UHRF1: variants seen among roughly 807,000 people sequenced by gnomAD.
UHRF1 encodes the protein E3 ubiquitin-protein ligase UHRF1.
A neutral mutation model predicts 96.5 loss-of-function variants in UHRF1; 9 were observed. That is an observed-to-expected ratio of 0.09 (90% CI 0.06 to 0.16). UHRF1 has a LOEUF of 0.16. Ranked by LOEUF, UHRF1 falls within the 10% of genes least tolerant of loss-of-function variation. UHRF1 has a pLI of 1.00. For missense variants in UHRF1, 626 were observed against 1,131.1 expected (o/e 0.55, Z 6.40); for synonymous variants, 455 against 469.9 (o/e 0.97, Z 0.41).
chr19:4,950,547 G>A, intron 11 of UHRF1, 64 bp from the exon 12 acceptor site: 1 of 1,550,804 alleles, frequency 6.4e-7, no homozygotes, highest in Non-Finnish European at 8.7e-7. Context: ...CCCGGCTCCT[G>A]TGTTTCCTTT....
chr19:4,941,179 C>T (rs972209674), intron 5 of UHRF1, among the ~76,000 whole-genome samples: 1 of 149,266 alleles, frequency 6.7e-6, no homozygotes, highest in Non-Finnish European at 1.5e-5. Flanking sequence ...CAACCTCTGC[C>T]TCCCGGGTTC....
At chr19:4,931,773 A>AT (rs1296827740) in intron 4 of UHRF1, among the ~76,000 whole-genome samples, 2 of 146,042 alleles carry the variant, frequency 1.4e-5, no homozygotes, top group African/African-American at 2.6e-5. Flanking sequence ...AGCTTATTTT[A>AT]TTTTTTTGAG....
Position 4,954,500 on chromosome 19 carries a change from G to A in UHRF1, c.1957+12G>A, listed in dbSNP as rs377111850. The A allele has an allele frequency of 2.4e-5, 38 of 1,605,846 alleles. No homozygotes were observed. The East Asian group carries it at 6.0e-4, about 26-fold the overall frequency. Reference sequence around the variant, plus strand: ...GCGGAAGTCGGCAGGTGAGAATCTCGTGGGTGTGGGGTGAGCGTCTTGTGT... The same window carrying A: ...GCGGAAGTCGGCAGGTGAGAATCTCATGGGTGTGGGGTGAGCGTCTTGTGT... On this transcript the variant is annotated intron_variant, in intron 14 of 16. Coordinates refer to ENST00000650932, the MANE Select transcript of UHRF1 (RefSeq NM_001048201.3). The surrounding 1 kb of genome is among the most constrained non-coding windows in gnomAD (Gnocchi z 5.9).
chr19:4,917,071 G>T (rs953210616), intron 2 of UHRF1, among the ~76,000 whole-genome samples: 16 of 96,036 alleles, frequency 1.7e-4, no homozygotes, highest in Non-Finnish European at 2.9e-4. Flanking sequence ...GCAGCTCGGT[G>T]GGGGGGGGGG....
At chr19:4,942,016 G>A in intron 7 of UHRF1, 85 bp downstream of exon 7, 1 of 1,354,990 alleles carries the variant, frequency 7.4e-7, no homozygotes, top group Non-Finnish European at 9.6e-7. Flanking sequence ...CAGGAGAGGG[G>A]CAGGCGCGGG....
chr19:4,906,445 C>T (rs1050147680), upstream of UHRF1, among the ~76,000 whole-genome samples: 8 of 152,176 alleles, frequency 5.3e-5, no homozygotes, highest in African/African-American at 1.9e-4. Flanking sequence ...GTGCCCCTCA[C>T]CACGTGTACA....
At chr19:4,908,693 T>C (rs1258856385), upstream of UHRF1, among the ~76,000 whole-genome samples, 3 of 152,186 alleles carry the variant, frequency 2.0e-5, no homozygotes, top group Non-Finnish European at 4.4e-5. Context: ...TGGCTGCTGG[T>C]CACTCTCCTA....
chr19:4,932,971 C>G lies in UHRF1; in HGVS notation c.785+15C>G, dbSNP rs745390832. ...GTGGTGCTGGGGTGAGCCTCGCGTC[C>G]TGGGGCGAGCCCTTCCTCTCTCCTT... On this transcript the variant is annotated intron_variant, in intron 5 of 16. Transcript: ENST00000650932. 3 of 1,588,854 alleles carry G rather than the reference C, an allele frequency of 1.9e-6. No individual in the cohort carries two copies. The highest frequency in any genetic ancestry group is 2.3e-5 in the East Asian group (1 of 43,526).
rs1316303079 is a variant in UHRF1 at position 4,929,186 on chromosome 19, G to T, written c.154-36G>T. The T allele has an allele frequency of 2.5e-6, 4 of 1,589,008 alleles. No individual in the cohort carries two copies. In the East Asian group the frequency reaches 6.7e-5, roughly 27 times the overall value. ...CCCACAGATGCCCACTTGGCATTTG[G>T]TGGCTAAACAGCGTCTGCCTCTGGT... is the stretch of plus-strand genomic sequence containing the variant. On this transcript the variant is annotated intron_variant, in intron 2 of 16. Coordinates refer to ENST00000650932, the MANE Select transcript of UHRF1 (RefSeq NM_001048201.3).
intron 13 of UHRF1, among the ~76,000 whole-genome samples, chr19:4,951,476 A>C (rs566124572): frequency 1.3e-4 from 20 of 152,230 alleles, no homozygotes; most frequent in Non-Finnish European, 2.1e-4. Flanking sequence ...TCTCTGATCC[A>C]GAATAATTTC....
At chr19:4,927,896 C>T (rs770043092) in intron 2 of UHRF1, among the ~76,000 whole-genome samples, 16 of 152,218 alleles carry the variant, frequency 1.1e-4, no homozygotes, top group Admixed American at 5.9e-4. Context: ...GCACCAGGCA[C>T]GGGATAAACT....
chr19:4,956,247 G>A (rs2033853867), intron 15 of UHRF1, among the ~76,000 whole-genome samples: 1 of 152,096 alleles, frequency 6.6e-6, no homozygotes, highest in Admixed American at 6.5e-5. Flanking sequence ...TTAATTTTTT[G>A]TAGAGATGGG....
At chr19:4,917,652 CAAA>C (rs754990585) in intron 2 of UHRF1, among the ~76,000 whole-genome samples, 2 of 34,350 alleles carry the variant, frequency 5.8e-5, no homozygotes, top group Admixed American at 3.0e-4. Context: ...GACTCCGTCT[CAAA>C]AAAAAAAAAA....
chr19:4,916,808 A>C (rs1342546756), intron 2 of UHRF1, among the ~76,000 whole-genome samples: 3 of 152,236 alleles, frequency 2.0e-5, no homozygotes, highest in African/African-American at 7.2e-5. Context: ...TCAGGAAGGC[A>C]GAGCAGTTTC....
At chr19:4,951,258 T>G (rs1057410101) in intron 13 of UHRF1, among the ~76,000 whole-genome samples, 2 of 151,630 alleles carry the variant, frequency 1.3e-5, no homozygotes, top group African/African-American at 2.4e-5. Flanking sequence ...AGAATGAGAG[T>G]CCATCTCAAA....
intron 9 of UHRF1, among the ~76,000 whole-genome samples, chr19:4,944,896 C>A (rs1376600061): frequency 6.6e-6 from 1 of 152,192 alleles, no homozygotes. Flanking sequence ...GCGGGGCCAT[C>A]CTGGGCACTG....
Position 4,954,768 on chromosome 19 carries a change from G to A in UHRF1, c.2076G>A (p.Lys692=), listed in dbSNP as rs1202777395. ...SLIREDKSNA[K]LWNEVLASLK... is the part of the protein sequence containing the mutation. ...TCAGAGAGGACAAGAGCAACGCCAA[G>A]CTGTGGAATGAGGTCCTGGCGTCAC... The change falls in exon 15 of 17, where the codon AAG becomes AAA. Residue 692 remains lysine, a synonymous_variant. Transcript: ENST00000650932. This position sits in a 1 kb window ranked among gnomAD's most constrained non-coding sequence, Gnocchi z 5.9. 1.9e-6 allele frequency: 3 copies of A among 1,613,940 alleles called. No individual in the cohort carries two copies. Among genetic ancestry groups the A allele is most frequent in the Non-Finnish European group, 2.5e-6 (3 of 1,179,874 alleles).
intron 10 of UHRF1, among the ~76,000 whole-genome samples, chr19:4,946,258 TG>T (rs2033561943): frequency 6.6e-6 from 1 of 150,680 alleles, no homozygotes; most frequent in Non-Finnish European, 1.5e-5. Flanking sequence ...GGAGACCTCC[TG>T]GGAGTGGAAT....
chr19:4,920,163 G>A (rs1035839729), intron 2 of UHRF1, among the ~76,000 whole-genome samples: 1 of 152,158 alleles, frequency 6.6e-6, no homozygotes, highest in East Asian at 1.9e-4. Flanking sequence ...TGGGCGCAGC[G>A]GCTCATGCTT....
Sources: gnomAD v4.1 joint callset for allele counts (sites outside exome capture counted in the v4.1 genomes callset) on GRCh38, gnomAD v4.1.1 for gene constraint, Gnocchi (gnomAD v3.1) non-coding constraint, MANE v1.5 for transcripts, NCBI Gene and HGNC (gene_info 2026-07-23, HGNC 2026-07-21) for gene names.